RD3: variants seen among roughly 807,000 people sequenced by gnomAD.
RD3 encodes the protein RD3 regulator of GUCY2D, also known as protein RD3.
RD3 carries 11 observed loss-of-function variants against 16.9 expected under a neutral mutation model. That is an observed-to-expected ratio of 0.65 (90% CI 0.41 to 1.08). The LOEUF (loss-of-function observed/expected upper bound fraction) is 1.08. RD3 is among the 50% of genes least tolerant of loss of function. The pLI, the probability that RD3 is intolerant of heterozygous loss-of-function variation, is 0.00. For missense variants in RD3, 274 were observed against 267.4 expected, an observed-to-expected ratio of 1.02 and a Z score of -0.17; for synonymous variants, 116 against 114.8, an observed-to-expected ratio of 1.01 and a Z score of -0.07.
Position 211,481,127 on chromosome 1 carries a change from T to C in RD3, c.289A>G (p.Ile97Val). 4 of 1,614,200 alleles carry C rather than the reference T, an allele frequency of 2.5e-6. No homozygotes were observed. Among genetic ancestry groups the C allele is most frequent in the African/African-American group, 1.3e-5 (1 of 75,066 alleles). The stretch of plus-strand genomic sequence containing the variant: ...CCCCATCCCAGTGCTCACCTGAGGA[T>C]AGCAGGCCCACAATAGGATGGGTGG... ...KIHPSYCGPA[I>V]LRFRQLLAEQ... is the part of the protein sequence containing the mutation. The change falls in exon 2 of 3, where the codon ATC becomes GTC. Residue 97 changes from isoleucine to valine, a missense_variant. Ile to Val is a conservative substitution (Grantham distance 29, BLOSUM62 3). Transcript: ENST00000680073.
chr1:211,481,220 T>C lies in RD3; in HGVS notation c.196A>G (p.Thr66Ala). Residue 66 changes from threonine (T) to alanine (A), a missense_variant, in exon 2 of 3, where the codon ACA becomes GCA. Physicochemically the swap from Thr to Ala is moderately conservative, Grantham distance 58. Coordinates refer to ENST00000680073, the MANE Select transcript of RD3 (RefSeq NM_001164688.2). ...TGVDYSWLAS[T>A]PRSTYDLSPI... ...CTGAGGTCATAGGTGGACCGGGGTG[T>C]GCTGGCCAGCCAGCTGTAGTCCACA... The C allele has an allele frequency of 6.2e-7, 1 of 1,614,266 alleles. No individual in the cohort carries two copies. The highest frequency in any genetic ancestry group is 8.5e-7 in the Non-Finnish European group (1 of 1,180,046).
rs780834996 is a variant in RD3 at position 211,477,694 on chromosome 1, A to C, written c.*1342T>G. 3.9e-4 allele frequency: 62 copies of C among 160,742 alleles called. No homozygotes were observed. The highest frequency in any genetic ancestry group is 6.6e-4 in the Non-Finnish European group (49 of 74,750). 10.0% of individuals were successfully genotyped at this position (160,742 alleles called of 1,614,324 possible). ...CAAAAGGGAAGTTCAAAACCAAATC[A>C]TTCAAAAAAACTTTTTTCCACTGAG... On this transcript the variant is annotated 3_prime_UTR_variant, in exon 3 of 3. Coordinates refer to ENST00000680073, the MANE Select transcript of RD3 (RefSeq NM_001164688.2).
rs1260368091 is a variant in RD3 at position 211,481,100 on chromosome 1, G to A, written c.296+20C>T. On this transcript the variant is annotated intron_variant, in intron 2 of 2. Coordinates refer to ENST00000680073, the MANE Select transcript of RD3 (RefSeq NM_001164688.2). ...TCCTGGAGCCTGCAGCCCAGCAAGGGTCCCCATCCCAGTGCTCACCTGAGG... is the reference window on the plus strand; with the variant it reads ...TCCTGGAGCCTGCAGCCCAGCAAGGATCCCCATCCCAGTGCTCACCTGAGG... 1 of 1,613,518 alleles carries A rather than the reference G, an allele frequency of 6.2e-7. No homozygotes were observed. The highest frequency in any genetic ancestry group is 2.2e-5 in the East Asian group (1 of 44,848).
intron 1 of RD3, among the ~76,000 whole-genome samples, chr1:211,489,732 T>G (rs1705448754): frequency 6.6e-6 from 1 of 152,124 alleles, no homozygotes; most frequent in Non-Finnish European, 1.5e-5. Flanking sequence ...CCTGGCTTGG[T>G]GCAAGCTTGA....
chr1:211,479,721 A>G (rs1300400253), intron 2 of RD3, among the ~76,000 whole-genome samples: 1 of 152,212 alleles, frequency 6.6e-6, no homozygotes, highest in Non-Finnish European at 1.5e-5. Context: ...CCCACTGGCC[A>G]GCATGATCTT....
intron 1 of RD3, among the ~76,000 whole-genome samples, chr1:211,488,028 CT>C (rs1397250754): frequency 1.3e-5 from 2 of 152,242 alleles, no homozygotes; most frequent in African/African-American, 4.8e-5. Flanking sequence ...GTGCCTGCCC[CT>C]GTTCTCTGCA....
At chr1:211,483,810 T>C (rs1705322913) in intron 1 of RD3, among the ~76,000 whole-genome samples, 2 of 152,146 alleles carry the variant, frequency 1.3e-5, no homozygotes, top group Non-Finnish European at 2.9e-5. Context: ...TGTGTCACTT[T>C]CCCTGGAGTG....
rs567242638 is a variant in RD3, at chr1:211,477,407, T to A, written c.*1629A>T. 3.3e-5 allele frequency: 5 copies of A among 149,642 alleles called. No individual in the cohort carries two copies. The highest frequency in any genetic ancestry group is 1.2e-4 in the African/African-American group (5 of 40,420). 9.3% of individuals were successfully genotyped at this position (149,642 alleles called of 1,614,324 possible). On this transcript the variant is annotated 3_prime_UTR_variant, in exon 3 of 3. Coordinates refer to ENST00000680073, the MANE Select transcript of RD3 (RefSeq NM_001164688.2). ...AGGCAAAGGTTGTGGTGAGCCGAGA[T>A]CACGCCACTGCACTGCAGCCTGGGT... is the stretch of plus-strand genomic sequence containing the variant.
At position 211,479,261 on chromosome 1, in the gene RD3, C is replaced by A; in HGVS notation, c.363G>T (p.Val121=). The A allele has an allele frequency of 6.2e-7, 1 of 1,607,100 alleles. No individual in the cohort carries two copies. The highest frequency in any genetic ancestry group is 8.5e-7 in the Non-Finnish European group (1 of 1,176,900). The change falls in exon 3 of 3, where the codon GTG becomes GTT. Residue 121 remains valine (V), a synonymous_variant. Transcript: ENST00000680073. ...TCATCCTCTCCAGGACCTCCTGCAG[C>A]ACCGAGCGGAAGAGCTGGGACACCT... ...VQEVSQLFRS[V]LQEVLERMKQ... is the part of the protein sequence containing the mutation.
intron 1 of RD3, among the ~76,000 whole-genome samples, chr1:211,490,772 C>T (rs1164024768): frequency 6.6e-6 from 1 of 152,130 alleles, no homozygotes; most frequent in Non-Finnish European, 1.5e-5. Flanking sequence ...GCTCATTTGT[C>T]GGGAACCCCT....
Position 211,477,962 on chromosome 1 carries a change from A to G in RD3, c.*1074T>C. On this transcript the variant is annotated 3_prime_UTR_variant, in exon 3 of 3. Transcript: ENST00000680073. ...ACATGCCCATCATCAAGGCCTAACC[A>G]TGTTAGAAAAGGGAAGGACAATGAA... 5.1e-6 allele frequency: 2 copies of G among 395,768 alleles called. No individual in the cohort carries two copies. Among genetic ancestry groups the G allele is most frequent in the East Asian group, 3.6e-5 (1 of 27,936 alleles). 24.5% of individuals were successfully genotyped at this position (395,768 alleles called of 1,614,324 possible). A position where few individuals can be genotyped will look rare whatever the true frequency, so the allele number is the denominator to read the frequency against.
intron 1 of RD3, among the ~76,000 whole-genome samples, chr1:211,491,011 C>A (rs745595655): frequency 6.6e-6 from 1 of 152,240 alleles, no homozygotes; most frequent in African/African-American, 2.4e-5. Flanking sequence ...TAAGCGGTTC[C>A]TGAATGAATG....
rs1263789996 is a variant in RD3 at position 211,491,948 on chromosome 1, T to A, written c.-192A>T. The A allele has an allele frequency of 1.2e-5, 1 of 85,348 alleles. No individual in the cohort carries two copies. The highest frequency in any genetic ancestry group is 2.2e-5 in the Non-Finnish European group (1 of 45,172). 5.3% of individuals were successfully genotyped at this position (85,348 alleles called of 1,614,324 possible). ...CCTCAGCTTCTCTGCTGCTGCCGGCTGGCCTCAAATTTTGCCTCTCTTTGG... is the reference window on the plus strand; with the variant it reads ...CCTCAGCTTCTCTGCTGCTGCCGGCAGGCCTCAAATTTTGCCTCTCTTTGG... On this transcript the variant is annotated 5_prime_UTR_variant, in exon 1 of 3. Coordinates refer to ENST00000680073, the MANE Select transcript of RD3 (RefSeq NM_001164688.2).
At chr1:211,485,833 A>G (rs1222627363) in intron 1 of RD3, among the ~76,000 whole-genome samples, 1 of 152,154 alleles carries the variant, frequency 6.6e-6, no homozygotes, top group Non-Finnish European at 1.5e-5. Context: ...TGCCTCAAAC[A>G]CATGAACACT....
At chr1:211,488,111 C>T (rs1038036916) in intron 1 of RD3, among the ~76,000 whole-genome samples, 1 of 152,226 alleles carries the variant, frequency 6.6e-6, no homozygotes, top group Non-Finnish European at 1.5e-5. Context: ...GACACCAGCT[C>T]AGCCCACTCC....
At position 211,477,816 on chromosome 1, in the gene RD3, G is replaced by C. The variant is rs1238004937; in HGVS notation, c.*1220C>G. On this transcript the variant is annotated 3_prime_UTR_variant, in exon 3 of 3. Transcript: ENST00000680073. Reference sequence around the variant, plus strand: ...ACTTGCATTTTCTGCATGTGTGCTGGTAGTTGAGGGTAGACACTTCCCCAC... The same window carrying C: ...ACTTGCATTTTCTGCATGTGTGCTGCTAGTTGAGGGTAGACACTTCCCCAC... 2.9e-6 allele frequency: 1 copy of C among 347,504 alleles called. No individual in the cohort carries two copies. The highest frequency in any genetic ancestry group is 5.1e-6 in the Non-Finnish European group (1 of 194,974). The allele number at this position is 347,504 out of a possible 1,614,324, so 21.5% of individuals were successfully genotyped here.
chr1:211,484,040 T>C (rs549137497), intron 1 of RD3, among the ~76,000 whole-genome samples: 1 of 152,284 alleles, frequency 6.6e-6, no homozygotes, highest in East Asian at 1.9e-4. Context: ...GTCAGCACCC[T>C]CGGAAGCTTT....
intron 1 of RD3, among the ~76,000 whole-genome samples, chr1:211,488,524 G>C (rs953793571): frequency 8.0e-6 from 1 of 125,610 alleles, no homozygotes; most frequent in Admixed American, 8.6e-5. Flanking sequence ...GACAGAACAA[G>C]ACTCTGTCAA....
chr1:211,477,798 T>C lies in RD3; in HGVS notation c.*1238A>G, dbSNP rs1276589256. The stretch of plus-strand genomic sequence containing the variant: ...AGGCTACTATTAAGGTCCACTTGCA[T>C]TTTCTGCATGTGTGCTGGTAGTTGA... On this transcript the variant is annotated 3_prime_UTR_variant, in exon 3 of 3. Coordinates refer to ENST00000680073, the MANE Select transcript of RD3 (RefSeq NM_001164688.2). 1 of 319,298 alleles carries C rather than the reference T, an allele frequency of 3.1e-6. No individual in the cohort carries two copies. The highest frequency in any genetic ancestry group is 5.0e-5 in the East Asian group (1 of 19,960). 19.8% of individuals were successfully genotyped at this position (319,298 alleles called of 1,614,324 possible). A position where few individuals can be genotyped will look rare whatever the true frequency, so the allele number is the denominator to read the frequency against.
Sources: gnomAD v4.1 joint callset for allele counts (sites outside exome capture counted in the v4.1 genomes callset) on GRCh38, gnomAD v4.1.1 for gene constraint, MANE v1.5 for transcripts, NCBI Gene and HGNC (gene_info 2026-07-23, HGNC 2026-07-21) for gene names.